CAPZB: variants seen among roughly 807,000 people sequenced by gnomAD.
The protein encoded by CAPZB is capping actin protein of muscle Z-line subunit beta, also known as F-actin-capping protein subunit beta.
In CAPZB, 2 loss-of-function variants were observed where a neutral mutation model predicts 38.1. The observed-to-expected ratio is 0.05, with a 90% CI of 0.02 to 0.17. The LOEUF is 0.17. Ranked by LOEUF, CAPZB falls within the 10% of genes least tolerant of loss-of-function variation. The pLI is 1.00. For synonymous variants in CAPZB, 107 were observed against 127.4 expected (o/e 0.84, Z 1.08); for missense variants, 161 against 334.2 (o/e 0.48, Z 4.04).
chr1:19,432,171 A>G (rs2094444575), intron 1 of CAPZB, among the ~76,000 whole-genome samples: 1 of 152,018 alleles, frequency 6.6e-6, no homozygotes, highest in Admixed American at 6.6e-5. Flanking sequence ...GACTGGGCAC[A>G]CTGGCTCACA....
intron 8 of CAPZB, chr1:19,342,651 G>A: frequency 1.4e-6 from 1 of 732,822 alleles, no homozygotes; most frequent in South Asian, 1.5e-5. Context: ...GGTTAGTGGT[G>A]GTTTAAATGG....
At chr1:19,397,846 C>T (rs965174430) in intron 2 of CAPZB, among the ~76,000 whole-genome samples, 1 of 151,986 alleles carries the variant, frequency 6.6e-6, no homozygotes, top group African/African-American at 2.4e-5. Context: ...AGCCTGAGGG[C>T]GCGCGCCACC....
rs913874948 is a variant in CAPZB, at chr1:19,458,553, G to A, written c.3+26883C>T. Among the ~76,000 whole-genome samples, 3 of 152,130 alleles carry A rather than the reference G, an allele frequency of 2.0e-5. No homozygotes were observed. In the East Asian group the frequency reaches 5.8e-4, roughly 29 times the overall value. ...GTACTTTTAGTAGAGACGGGGTTTC[G>A]CCATGTTGGGCAGGCTGGTCTTTAA... On this transcript the variant is annotated intron_variant, in intron 1 of 8. Transcript: ENST00000264202.
intron 4 of CAPZB, among the ~76,000 whole-genome samples, chr1:19,372,631 T>C (rs534670245): frequency 2.6e-5 from 4 of 152,320 alleles, no homozygotes; most frequent in Admixed American, 2.0e-4. Context: ...CCAAGAAAGA[T>C]CACTTAGGTC....
At chr1:19,424,090 G>A (rs1268572804) in intron 1 of CAPZB, among the ~76,000 whole-genome samples, 1 of 152,184 alleles carries the variant, frequency 6.6e-6, no homozygotes, top group African/African-American at 2.4e-5. Context: ...GGGTTTGCAG[G>A]CGTGAGCCAC....
chr1:19,463,249 A>G (rs1340572648), intron 1 of CAPZB, among the ~76,000 whole-genome samples: 1 of 152,304 alleles, frequency 6.6e-6, no homozygotes, highest in African/African-American at 2.4e-5. Context: ...GTGAGAGTAC[A>G]CAGGATTTTA....
intron 2 of CAPZB, among the ~76,000 whole-genome samples, chr1:19,413,067 T>C (rs533063447): frequency 6.6e-6 from 1 of 152,350 alleles, no homozygotes; most frequent in African/African-American, 2.4e-5. Context: ...GCAGAAAGAA[T>C]AACTCAGTTC....
chr1:19,460,945 C>A (rs1570335664), intron 1 of CAPZB, among the ~76,000 whole-genome samples: 2 of 152,092 alleles, frequency 1.3e-5, no homozygotes, highest in African/African-American at 4.8e-5. Context: ...GGCCAGGTAC[C>A]TAGATCATTT....
intron 2 of CAPZB, among the ~76,000 whole-genome samples, chr1:19,390,512 T>C (rs761816785): frequency 1.1e-4 from 16 of 152,204 alleles, no homozygotes; most frequent in Non-Finnish European, 2.2e-4. Context: ...CTTGGAATAA[T>C]AAACACTACA....
intron 4 of CAPZB, among the ~76,000 whole-genome samples, chr1:19,367,408 G>A (rs139659169): frequency 5.9e-5 from 9 of 152,344 alleles, no homozygotes; most frequent in African/African-American, 2.2e-4. Flanking sequence ...TCGACGTGTT[G>A]TGAGCTGCCC....
At chr1:19,373,256 T>G (rs2094128146) in intron 4 of CAPZB, among the ~76,000 whole-genome samples, 1 of 152,080 alleles carries the variant, frequency 6.6e-6, no homozygotes, top group Non-Finnish European at 1.5e-5. Context: ...CCTACTCGCC[T>G]TTTGCCCACC....
At chr1:19,457,736 G>A (rs1039642878) in intron 1 of CAPZB, among the ~76,000 whole-genome samples, 2 of 152,278 alleles carry the variant, frequency 1.3e-5, no homozygotes, top group South Asian at 4.2e-4. Flanking sequence ...AAGCAACTTG[G>A]CAGAATTTGT....
At chr1:19,414,101 C>A (rs1416735488) in intron 2 of CAPZB, among the ~76,000 whole-genome samples, 4 of 152,102 alleles carry the variant, frequency 2.6e-5, no homozygotes, top group African/African-American at 7.2e-5. Context: ...TTTTTGGAAA[C>A]GTAAGCAGCG....
intron 1 of CAPZB, chr1:19,448,785 C>T (rs769659539): frequency 3.1e-6 from 5 of 1,608,216 alleles, no homozygotes; most frequent in African/African-American, 1.3e-5. Flanking sequence ...CTGATGGCCA[C>T]GGCCACCTGT....
intron 6 of CAPZB, among the ~76,000 whole-genome samples, chr1:19,355,134 C>T (rs59980977): frequency 3.3e-5 from 5 of 152,072 alleles, no homozygotes; most frequent in African/African-American, 4.8e-5. Context: ...ATTCACCTTG[C>T]GCCACTATTT....
intron 8 of CAPZB, chr1:19,342,727 G>C: frequency 7.0e-7 from 1 of 1,433,754 alleles, no homozygotes; most frequent in South Asian, 1.1e-5. Flanking sequence ...AGTGGGGAGG[G>C]TCTCGCGGCT....
At chr1:19,445,971 A>G (rs560037717) in intron 1 of CAPZB, among the ~76,000 whole-genome samples, 25 of 152,344 alleles carry the variant, frequency 1.6e-4, no homozygotes, top group African/African-American at 5.5e-4. Flanking sequence ...TCAAGAGCAC[A>G]TGGTAAGACC....
intron 1 of CAPZB, chr1:19,449,102 C>G: frequency 7.0e-7 from 1 of 1,422,864 alleles, no homozygotes; most frequent in Admixed American, 2.8e-5. Context: ...CAGATGAAAC[C>G]CCAGCAGTTC....
At chr1:19,385,372 AG>A in intron 3 of CAPZB, 132 bp downstream of exon 3, 1 of 872,994 alleles carries the variant, frequency 1.1e-6, no homozygotes, top group Non-Finnish European at 1.8e-6. Flanking sequence ...AGAGGAGGGC[AG>A]GGAACAAACG....
Sources: gnomAD v4.1 joint callset for allele counts (sites outside exome capture counted in the v4.1 genomes callset) on GRCh38, gnomAD v4.1.1 for gene constraint, MANE v1.5 for transcripts, NCBI Gene and HGNC (gene_info 2026-07-23, HGNC 2026-07-21) for gene names.